RNF217: variants seen among roughly 807,000 people sequenced by gnomAD.
The protein encoded by RNF217 is ring finger protein 217.
RNF217 carries 31 observed loss-of-function variants against 57.8 expected under a neutral mutation model. That is an observed-to-expected ratio of 0.54 (90% CI 0.40 to 0.72). RNF217 has a LOEUF of 0.72. RNF217 is among the 30% of genes least tolerant of loss of function. The pLI is 0.00. For synonymous variants in RNF217, 313 were observed against 294.0 expected (o/e 1.06, Z -0.66); for missense variants, 696 against 708.3 (o/e 0.98, Z 0.20).
At chr6:125,049,864 T>C (rs1741868200) in intron 2 of RNF217, among the ~76,000 whole-genome samples, 1 of 151,678 alleles carries the variant, frequency 6.6e-6, no homozygotes. Flanking sequence ...GGAGCAGGTT[T>C]GGGAAATGGA....
chr6:125,018,128 A>G (rs1785683236), intron 1 of RNF217, among the ~76,000 whole-genome samples: 1 of 152,204 alleles, frequency 6.6e-6, no homozygotes, highest in Non-Finnish European at 1.5e-5. Context: ...GAGACATGGT[A>G]TGAGGGCTCC....
Position 125,045,418 on chromosome 6 carries a change from C to T in RNF217, c.1090C>T (p.Pro364Ser), listed in dbSNP as rs181211768. The change falls in exon 2 of 6, where the codon CCT (proline) becomes TCT (serine). Residue 364 changes from proline to serine, a missense_variant. Coordinates refer to ENST00000521654, the MANE Select transcript of RNF217 (RefSeq NM_001286398.3). ...CAAGAAAAAAGGACATATTCCCACC[C>T]CTTCCAGATCAGAAAGCAAATACAA... ...TFKKKGHIPT[P>S]SRSESKYKIQ... The T allele has an allele frequency of 2.6e-5, 42 of 1,612,570 alleles. No homozygotes were observed. The East Asian group carries it at 8.7e-4, about 33-fold the overall frequency.
intron 2 of RNF217, 84 bp downstream of exon 2, chr6:125,045,528 G>A: frequency 1.0e-6 from 1 of 962,980 alleles, no homozygotes; most frequent in Non-Finnish European, 1.6e-6. Context: ...GGCATTAAGG[G>A]GGCATCTTTC....
At chr6:124,965,413 A>C (rs541715647) in intron 1 of RNF217, among the ~76,000 whole-genome samples, 5 of 152,204 alleles carry the variant, frequency 3.3e-5, no homozygotes, top group African/African-American at 1.2e-4. Context: ...GTCTCTACTA[A>C]AAATACAAAA....
At chr6:125,018,200 T>C (rs1291078696) in intron 1 of RNF217, among the ~76,000 whole-genome samples, 2 of 152,328 alleles carry the variant, frequency 1.3e-5, no homozygotes, top group African/African-American at 4.8e-5. Context: ...CTGTTTTATA[T>C]CTGTATCTTG....
At chr6:125,082,422 A>G (rs1289884634) in intron 5 of RNF217, 1 of 1,566,874 alleles carries the variant, frequency 6.4e-7, no homozygotes, top group African/African-American at 1.4e-5. Flanking sequence ...ACATTATGTA[A>G]TAGATATTAT....
At chr6:125,035,129 G>C (rs1299438665) in intron 1 of RNF217, among the ~76,000 whole-genome samples, 12 of 152,208 alleles carry the variant, frequency 7.9e-5, no homozygotes, top group Middle Eastern at 6.8e-3. Flanking sequence ...GATATACAAT[G>C]ATGTCATCTG....
chr6:125,046,719 A>G (rs981210412), intron 2 of RNF217: 2 of 455,296 alleles, frequency 4.4e-6, no homozygotes, highest in African/African-American at 4.0e-5. Flanking sequence ...TTCATTTTGT[A>G]GCTTTGAGGG....
At chr6:125,020,781 C>A (rs1434209728) in intron 1 of RNF217, among the ~76,000 whole-genome samples, 8 of 152,080 alleles carry the variant, frequency 5.3e-5, no homozygotes. Flanking sequence ...AGAACATTCA[C>A]AGAAGAGGGG....
intron 2 of RNF217, among the ~76,000 whole-genome samples, chr6:125,056,211 A>C (rs1787518702): frequency 6.6e-6 from 1 of 152,182 alleles, no homozygotes. Flanking sequence ...TTGGAGCCAG[A>C]CAAACTTACG....
intron 1 of RNF217, among the ~76,000 whole-genome samples, chr6:124,972,574 A>G (rs1783803202): frequency 1.3e-5 from 2 of 152,082 alleles, no homozygotes; most frequent in South Asian, 4.2e-4. Flanking sequence ...TTCTTTCTCA[A>G]CTGTCCCACT....
intron 4 of RNF217, 75 bp downstream of exon 4, chr6:125,076,933 C>G: frequency 7.9e-7 from 1 of 1,273,854 alleles, no homozygotes; most frequent in Non-Finnish European, 1.1e-6. Context: ...AATGTGCAGC[C>G]ATGGTAATTC....
chr6:124,988,303 T>C (rs913766109), intron 1 of RNF217, among the ~76,000 whole-genome samples: 4 of 152,206 alleles, frequency 2.6e-5, no homozygotes, highest in Non-Finnish European at 5.9e-5. Context: ...AAATGGTCTA[T>C]GGCAGTTTTT....
chr6:124,977,445 TAATG>T (rs139142227), intron 1 of RNF217, among the ~76,000 whole-genome samples: 35,834 of 152,078 alleles, frequency 0.24, 4,593 homozygotes, highest in East Asian at 0.39. Context: ...GATTATAAAA[TAATG>T]AAGCCAGTTC....
intron 1 of RNF217, among the ~76,000 whole-genome samples, chr6:124,996,924 A>G (rs1784775407): frequency 6.6e-6 from 1 of 152,122 alleles, no homozygotes; most frequent in South Asian, 2.1e-4. Flanking sequence ...AATGATCCGT[A>G]TTTTCTTTAA....
rs771805754 is a variant in RNF217 at position 124,962,728 on chromosome 6, G to C, written c.184G>C (p.Ala62Pro). ...TGGCTGCGGAAGCGACTGGGGCTGC[G>C]CGGACACCAGCGCCCCAGAGCCCGC... ...GGGCGSDWGCADTSAPEPARS... is the reference protein window; with the variant it reads ...GGGCGSDWGCPDTSAPEPARS... The change falls in exon 1 of 6, where the codon GCG becomes CCG. Residue 62 changes from alanine to proline, a missense_variant. Transcript: ENST00000521654. The surrounding 1 kb of genome is among the most constrained non-coding windows in gnomAD (Gnocchi z 4.6). The C allele has an allele frequency of 6.4e-7, 1 of 1,555,132 alleles. No homozygotes were observed. Among genetic ancestry groups the C allele is most frequent in the South Asian group, 1.2e-5 (1 of 86,674 alleles).
At chr6:125,078,038 AT>A (rs1228779641) in intron 4 of RNF217, among the ~76,000 whole-genome samples, 1 of 152,200 alleles carries the variant, frequency 6.6e-6, no homozygotes, top group East Asian at 1.9e-4. Context: ...CTATAAAAAT[AT>A]TCTTCCTGAG....
rs978553898 is a variant in RNF217 at position 124,962,837 on chromosome 6, C to T, written c.293C>T (p.Pro98Leu). The stretch of plus-strand genomic sequence containing the variant: ...CTGGCACTCACCGGGCCTCTCAATC[C>T]CCAGACCTTGCCACTGCAGTTGGAG... ...AGLALTGPLN[P>L]QTLPLQLELE... Residue 98 changes from proline to leucine, a missense_variant, in exon 1 of 6, where the codon CCC (proline) becomes CTC (leucine). Transcript: ENST00000521654. This position sits in a 1 kb window ranked among gnomAD's most constrained non-coding sequence, Gnocchi z 4.6. 2 of 1,597,944 alleles carry T rather than the reference C, an allele frequency of 1.3e-6. No homozygotes were observed. The highest frequency in any genetic ancestry group is 2.2e-5 in the East Asian group (1 of 44,818).
chr6:125,091,118 A>G lies in RNF217; in HGVS notation c.*8181A>G, dbSNP rs1367973914. ...ATTATTATTTCATGCTGTTGTTTCC[A>G]TGAATTGTGTTTTTAGCATAGTATA... On this transcript the variant is annotated 3_prime_UTR_variant, in exon 6 of 6. Transcript: ENST00000521654. 1 of 152,036 alleles carries G rather than the reference A, an allele frequency of 6.6e-6. No individual in the cohort carries two copies. 9.4% of individuals were successfully genotyped at this position (152,036 alleles called of 1,614,324 possible).
Sources: gnomAD v4.1 joint callset for allele counts (sites outside exome capture counted in the v4.1 genomes callset) on GRCh38, gnomAD v4.1.1 for gene constraint, Gnocchi (gnomAD v3.1) non-coding constraint, MANE v1.5 for transcripts, NCBI Gene and HGNC (gene_info 2026-07-23, HGNC 2026-07-21) for gene names.